ABR: variants seen among roughly 807,000 people sequenced by gnomAD.
ABR encodes the protein ABR activator of RhoGEF and GTPase, also known as active breakpoint cluster region-related protein.
A neutral mutation model predicts 107.2 loss-of-function variants in ABR; 35 were observed. That is an observed-to-expected ratio of 0.33 (90% CI 0.25 to 0.43). The LOEUF (loss-of-function observed/expected upper bound fraction) is 0.43, where lower values mean the gene tolerates loss of function less well. ABR is among the 20% of genes least tolerant of loss of function. The probability of loss-of-function intolerance (pLI) is 1.00; values close to 1 mark genes in which losing one functional copy is unlikely to be tolerated. For synonymous variants in ABR, 498 were observed against 462.0 expected (o/e 1.08, Z -1.00); for missense variants, 815 against 1,115.2 (o/e 0.73, Z 3.83).
At chr17:1,073,315 C>G (rs1442544413) in intron 7 of ABR, among the ~76,000 whole-genome samples, 1 of 152,132 alleles carries the variant, frequency 6.6e-6, no homozygotes, top group African/African-American at 2.4e-5. Context: ...CCCCGAGCAG[C>G]TGGGAGAGAA....
intron 4 of ABR, among the ~76,000 whole-genome samples, chr17:1,090,129 C>T (rs375495508): frequency 1.3e-5 from 2 of 152,196 alleles, no homozygotes; most frequent in African/African-American, 2.4e-5. Flanking sequence ...GGAGGCCAGA[C>T]GAGAGGGGGA....
At chr17:1,009,219 CCCCACTACTGTCCATT>C (rs1348744837) in intron 21 of ABR, among the ~76,000 whole-genome samples, 2 of 90,982 alleles carry the variant, frequency 2.2e-5, no homozygotes, top group East Asian at 2.7e-4. Context: ...TGCTGTCCAT[CCCCACTACTGTCCATT>C]CCCCACTGCT....
intron 1 of ABR, among the ~76,000 whole-genome samples, chr17:1,185,654 T>TAA (rs775804045): frequency 1.4e-3 from 54 of 39,352 alleles, no homozygotes; most frequent in African/African-American, 3.9e-3. Flanking sequence ...CAGAAAGAAA[T>TAA]AAAAAAAAAA....
chr17:1,195,846 A>G (rs138776682), intron 1 of ABR, among the ~76,000 whole-genome samples: 1,992 of 147,410 alleles, frequency 0.014, 135 homozygotes, highest in African/African-American at 0.048. Context: ...TCACGCCTGT[A>G]ATCCCAGAAC....
intron 14 of ABR, among the ~76,000 whole-genome samples, chr17:1,053,986 T>C (rs1432740106): frequency 6.6e-6 from 1 of 151,996 alleles, no homozygotes; most frequent in African/African-American, 2.4e-5. Flanking sequence ...TGAGGGACCG[T>C]GTGGTGTTCC....
chr17:1,146,721 G>A (rs376526009), intron 1 of ABR, among the ~76,000 whole-genome samples: 4 of 144,220 alleles, frequency 2.8e-5, no homozygotes, highest in East Asian at 2.0e-4. Flanking sequence ...TGCCACTACT[G>A]CCACCATTGC....
chr17:1,089,184 C>G (rs1392208030), intron 4 of ABR, among the ~76,000 whole-genome samples: 2 of 152,122 alleles, frequency 1.3e-5, no homozygotes, highest in African/African-American at 2.4e-5. Context: ...GCGTGAGCCA[C>G]CACGCTCAGT....
In ABR at chr17:1,051,250, C is replaced by T. The variant is rs1420681839; in HGVS notation, c.1562-616G>A. On this transcript the variant is annotated intron_variant, in intron 14 of 22. Transcript: ENST00000302538. This position sits in a 1 kb window ranked among gnomAD's most constrained non-coding sequence, Gnocchi z 4.3. Reference sequence around the variant, plus strand: ...ACCAAAGGGATCTTCTCTACTCGTGCGTCCCTAGTCTCTCTCCCCCCACGA... The same window carrying T: ...ACCAAAGGGATCTTCTCTACTCGTGTGTCCCTAGTCTCTCTCCCCCCACGA... 2.6e-5 allele frequency among the ~76,000 whole-genome samples: 4 copies of T among 152,160 alleles called. No individual in the cohort carries two copies. Among genetic ancestry groups the T allele is most frequent in the African/African-American group, 4.8e-5 (2 of 41,446 alleles).
intron 1 of ABR, among the ~76,000 whole-genome samples, chr17:1,163,995 G>A (rs373232149): frequency 1.5e-3 from 26 of 17,752 alleles, no homozygotes; most frequent in African/African-American, 1.3e-3. Flanking sequence ...AGACGCAGGG[G>A]CCCCAGATAA....
chr17:1,095,693 G>C (rs757362807), intron 3 of ABR, among the ~76,000 whole-genome samples: 3 of 152,116 alleles, frequency 2.0e-5, no homozygotes, highest in Admixed American at 6.5e-5. Context: ...CATACCAGCT[G>C]CTTCTCAGGA....
intron 9 of ABR, among the ~76,000 whole-genome samples, chr17:1,067,781 A>G (rs2258174): frequency 0.19 from 29,029 of 152,168 alleles, 3,108 homozygotes; most frequent in South Asian, 0.25. Flanking sequence ...GGCAAAGGAC[A>G]GCAGGCAGAG....
chr17:1,006,729 T>C (rs1055648711), intron 22 of ABR, among the ~76,000 whole-genome samples: 16 of 152,200 alleles, frequency 1.1e-4, no homozygotes, highest in Admixed American at 9.8e-4. Flanking sequence ...CCTAAGGGGC[T>C]GGTCTCACCC....
intron 1 of ABR, 91 bp from the exon 2 acceptor site, chr17:1,125,458 C>G (rs527388057): frequency 6.7e-7 from 1 of 1,485,592 alleles, no homozygotes; most frequent in South Asian, 1.1e-5. Context: ...CGGCCCCCGG[C>G]AGCCATGGCC....
At chr17:1,194,502 T>TTTTTTTA (rs1317833664) in intron 1 of ABR, among the ~76,000 whole-genome samples, 2 of 129,876 alleles carry the variant, frequency 1.5e-5, no homozygotes. Flanking sequence ...CAGCCTTCTT[T>TTTTTTTA]ATTTTTTAGA....
At chr17:1,076,419 G>T (rs1392849356) in intron 6 of ABR, among the ~76,000 whole-genome samples, 1 of 151,974 alleles carries the variant, frequency 6.6e-6, no homozygotes, top group Non-Finnish European at 1.5e-5. Flanking sequence ...TCTTCAGGGG[G>T]AAAAAATCAC....
At chr17:1,091,528 C>A in intron 4 of ABR, 137 bp downstream of exon 4, 1 of 993,832 alleles carries the variant, frequency 1.0e-6, no homozygotes, top group Non-Finnish European at 1.5e-6. Context: ...CAGGCCCAGG[C>A]CTTCCTCCCG....
chr17:1,012,946 C>T (rs2241924), intron 17 of ABR, 149 bp from the exon 18 acceptor site: 204,373 of 1,053,348 alleles, frequency 0.19, 20,703 homozygotes, highest in African/African-American at 0.24. Flanking sequence ...AGGACAGCAG[C>T]GGGCAGGGTG....
chr17:1,168,669 G>A (rs774859345), intron 1 of ABR, among the ~76,000 whole-genome samples: 2 of 152,238 alleles, frequency 1.3e-5, no homozygotes, highest in Non-Finnish European at 2.9e-5. Context: ...AGGGAACAGT[G>A]TCCTTCACTC....
chr17:1,007,387 G>A (rs1029067845), intron 21 of ABR, 75 bp from the exon 22 acceptor site: 26 of 1,568,322 alleles, frequency 1.7e-5, no homozygotes, highest in South Asian at 6.9e-5. Context: ...CTTGGCCTTC[G>A]CTGTGGGAAC....
Sources: gnomAD v4.1 joint callset for allele counts (sites outside exome capture counted in the v4.1 genomes callset) on GRCh38, gnomAD v4.1.1 for gene constraint, Gnocchi (gnomAD v3.1) non-coding constraint, MANE v1.5 for transcripts, NCBI Gene and HGNC (gene_info 2026-07-23, HGNC 2026-07-21) for gene names.